Variants in ANKIB1 observed in about 807,000 individuals in gnomAD.
ANKIB1 encodes ankyrin repeat and IBR domain-containing protein 1.
A neutral mutation model predicts 122.1 loss-of-function variants in ANKIB1; 43 were observed. The ratio of observed to expected loss-of-function variants is 0.35; its 90% CI spans 0.28 to 0.45. The LOEUF is 0.45. ANKIB1 is among the 20% of genes least tolerant of loss of function. ANKIB1 has a pLI of 1.00. For missense variants in ANKIB1, 992 were observed against 1,329.5 expected (o/e 0.75, Z 3.95); for synonymous variants, 390 against 442.0 (o/e 0.88, Z 1.48).
At chr7:92,267,240 A>G (rs1046684421) in intron 1 of ANKIB1, among the ~76,000 whole-genome samples, 4 of 152,226 alleles carry the variant, frequency 2.6e-5, no homozygotes, top group African/African-American at 7.2e-5. Flanking sequence ...AACTTTTTGA[A>G]TATACATACA....
At chr7:92,271,001 C>G (rs867706120) in intron 1 of ANKIB1, among the ~76,000 whole-genome samples, 74 of 151,800 alleles carry the variant, frequency 4.9e-4, no homozygotes, top group African/African-American at 1.4e-3. Flanking sequence ...ATAGATAATG[C>G]TTTTGTTGTT....
At chr7:92,283,694 C>T (rs1457224135) in intron 1 of ANKIB1, among the ~76,000 whole-genome samples, 2 of 152,112 alleles carry the variant, frequency 1.3e-5, no homozygotes, top group Admixed American at 6.5e-5. Flanking sequence ...CTAGTGACCT[C>T]GTAACATCAT....
At chr7:92,354,469 T>A (rs1803743487) in intron 9 of ANKIB1, among the ~76,000 whole-genome samples, 1 of 152,100 alleles carries the variant, frequency 6.6e-6, no homozygotes. Flanking sequence ...TTCATTAGGG[T>A]AGTAGAGAAC....
intron 1 of ANKIB1, among the ~76,000 whole-genome samples, chr7:92,284,796 T>G (rs1383374736): frequency 6.6e-6 from 1 of 152,242 alleles, no homozygotes; most frequent in East Asian, 1.9e-4. Flanking sequence ...GCGTAGAGAT[T>G]AGATGTTTGG....
Position 92,250,010 on chromosome 7 carries a change from G to T in ANKIB1, c.-91+3491G>T, listed in dbSNP as rs563647391. ...CAGTCCTTAAAGGGGAGAAGCTGTC[G>T]TACAGTCATTAACAGTTTTTAATTC... On this transcript the variant is annotated intron_variant, in intron 1 of 19. Coordinates refer to ENST00000265742, the MANE Select transcript of ANKIB1 (RefSeq NM_019004.2). Among the ~76,000 whole-genome samples, 15 of 152,120 alleles carry T rather than the reference G, an allele frequency of 9.9e-5. No homozygotes were observed. The South Asian group carries it at 2.7e-3, about 27-fold the overall frequency.
chr7:92,316,063 A>G (rs1310515774), intron 3 of ANKIB1, among the ~76,000 whole-genome samples: 1 of 152,168 alleles, frequency 6.6e-6, no homozygotes, highest in Non-Finnish European at 1.5e-5. Context: ...AAAGAAAGGC[A>G]GAATAGAAGA....
At chr7:92,366,566 A>G (rs181322820) in intron 10 of ANKIB1, among the ~76,000 whole-genome samples, 6 of 152,340 alleles carry the variant, frequency 3.9e-5, no homozygotes, top group Admixed American at 2.6e-4. Flanking sequence ...CTTCTCTGGT[A>G]GAACAAATCT....
At position 92,351,013 on chromosome 7, in the gene ANKIB1, C is replaced by T. The variant is rs767980803; in HGVS notation, c.1149C>T (p.Cys383=). The part of the protein sequence containing the change: ...AHNIFCPAYD[C]FQLVPVDIIE... ...ACATTTTTTGCCCTGCATATGATTG[C>T]TTCCAACTTGTACCTGTGGATATCA... The change falls in exon 8 of 20, where the codon TGC becomes TGT. Residue 383 remains cysteine (C), a synonymous_variant. Transcript: ENST00000265742. 2.5e-6 allele frequency: 4 copies of T among 1,605,580 alleles called. No individual in the cohort carries two copies. The South Asian group carries it at 3.4e-5, about 14-fold the overall frequency.
At chr7:92,277,633 A>G (rs892994013) in intron 1 of ANKIB1, among the ~76,000 whole-genome samples, 10 of 152,148 alleles carry the variant, frequency 6.6e-5, no homozygotes, top group Non-Finnish European at 1.5e-4. Flanking sequence ...ATGGATGACA[A>G]TATTTATGGA....
At chr7:92,338,803 T>C (rs1347774257) in intron 5 of ANKIB1, among the ~76,000 whole-genome samples, 1 of 146,626 alleles carries the variant, frequency 6.8e-6, no homozygotes, top group Non-Finnish European at 1.5e-5. Flanking sequence ...TCCCAGCTAC[T>C]TGGGAGGCTG....
chr7:92,274,850 C>T (rs965347571), intron 1 of ANKIB1, among the ~76,000 whole-genome samples: 2 of 152,036 alleles, frequency 1.3e-5, no homozygotes, highest in African/African-American at 4.8e-5. Flanking sequence ...TAGCCCGAGC[C>T]CAGGAGGTGA....
chr7:92,359,535 T>C (rs1176186597), intron 9 of ANKIB1, among the ~76,000 whole-genome samples: 2 of 152,120 alleles, frequency 1.3e-5, no homozygotes, highest in African/African-American at 4.8e-5. Flanking sequence ...TAAACATATG[T>C]GTGTGTGTGT....
chr7:92,394,938 G>C (rs1229481752), intron 17 of ANKIB1, among the ~76,000 whole-genome samples: 1 of 152,116 alleles, frequency 6.6e-6, no homozygotes, highest in African/African-American at 2.4e-5. Flanking sequence ...TTTTATTTGT[G>C]ATCCAAAATT....
At chr7:92,266,651 A>G (rs1801677247) in intron 1 of ANKIB1, among the ~76,000 whole-genome samples, 3 of 152,172 alleles carry the variant, frequency 2.0e-5, no homozygotes, top group African/African-American at 7.2e-5. Context: ...CTGCCTGGAA[A>G]GCTATCTTCT....
At chr7:92,302,851 C>T (rs1042373410) in intron 2 of ANKIB1, among the ~76,000 whole-genome samples, 4 of 152,096 alleles carry the variant, frequency 2.6e-5, no homozygotes, top group African/African-American at 4.8e-5. Flanking sequence ...ATGCAAACCC[C>T]GTAGGGCAGG....
chr7:92,327,640 A>G (rs1028759061), intron 4 of ANKIB1, 143 bp from the exon 5 acceptor site: 2 of 433,826 alleles, frequency 4.6e-6, no homozygotes, highest in African/African-American at 4.1e-5. Context: ...TTTTTTTCCC[A>G]AATGTTTTCA....
At chr7:92,325,812 GCTGTTT>G (rs1803016167) in intron 4 of ANKIB1, 1 of 287,660 alleles carries the variant, frequency 3.5e-6, no homozygotes. Flanking sequence ...TGTATAATAG[GCTGTTT>G]CACAATCTTT....
chr7:92,350,221 T>C (rs1803629530), intron 7 of ANKIB1, among the ~76,000 whole-genome samples: 1 of 152,118 alleles, frequency 6.6e-6, no homozygotes, highest in African/African-American at 2.4e-5. Context: ...TATATTTTAA[T>C]GCCATCCCAA....
intron 4 of ANKIB1, among the ~76,000 whole-genome samples, chr7:92,320,374 G>A (rs1453548212): frequency 6.6e-6 from 1 of 152,154 alleles, no homozygotes; most frequent in Non-Finnish European, 1.5e-5. Flanking sequence ...AAATTTAGTA[G>A]GTACTTTTCT....
Sources: gnomAD v4.1 joint callset for allele counts (sites outside exome capture counted in the v4.1 genomes callset) on GRCh38, gnomAD v4.1.1 for gene constraint, MANE v1.5 for transcripts, NCBI Gene and HGNC (gene_info 2026-07-23, HGNC 2026-07-21) for gene names.